The following CNTN1 variants were observed in gnomAD, a reference collection of about 807,000 sequenced individuals.
CNTN1 encodes contactin 1.
In CNTN1, 38 loss-of-function variants were observed where a neutral mutation model predicts 126.4. The observed-to-expected ratio is 0.30, with a 90% CI of 0.23 to 0.39. The LOEUF is 0.39. Among genes scored for constraint, CNTN1 ranks in the 10% least tolerant of loss-of-function variants. The pLI is 1.00. For missense variants in CNTN1, 1,009 were observed against 1,248.4 expected, an observed-to-expected ratio of 0.81 and a Z score of 2.89; for synonymous variants, 413 against 422.6, an observed-to-expected ratio of 0.98 and a Z score of 0.28.
At chr12:41,020,946 A>C (rs1026000524) in intron 20 of CNTN1, among the ~76,000 whole-genome samples, 1 of 152,190 alleles carries the variant, frequency 6.6e-6, no homozygotes, top group Non-Finnish European at 1.5e-5. Flanking sequence ...GCTTAATTTT[A>C]AAGAACCAGT....
chr12:40,911,094 T>C (rs1015009508), intron 3 of CNTN1, among the ~76,000 whole-genome samples: 2 of 152,162 alleles, frequency 1.3e-5, no homozygotes, highest in Admixed American at 1.3e-4. Context: ...TATTTATTTA[T>C]TTTTGAGATG....
At chr12:40,720,748 G>A (rs1942182008) in intron 1 of CNTN1, among the ~76,000 whole-genome samples, 1 of 152,010 alleles carries the variant, frequency 6.6e-6, no homozygotes, top group Admixed American at 6.6e-5. Context: ...CCAACATGGT[G>A]AAACCCTGTC....
At chr12:40,721,340 CT>C (rs1004921414) in intron 1 of CNTN1, among the ~76,000 whole-genome samples, 3 of 151,762 alleles carry the variant, frequency 2.0e-5, no homozygotes, top group East Asian at 1.9e-4. Context: ...GGACCACCTC[CT>C]TTTTTTTATA....
At chr12:40,942,138 A>G (rs1946282655) in intron 12 of CNTN1, among the ~76,000 whole-genome samples, 1 of 152,130 alleles carries the variant, frequency 6.6e-6, no homozygotes, top group African/African-American at 2.4e-5. Flanking sequence ...AAATAATTAA[A>G]TGAAAGGGAT....
intron 17 of CNTN1, among the ~76,000 whole-genome samples, chr12:41,008,389 G>A (rs1948556624): frequency 6.6e-6 from 1 of 150,454 alleles, no homozygotes; most frequent in African/African-American, 2.5e-5. Flanking sequence ...TATCAGAAGT[G>A]TTGATATAAA....
At chr12:40,920,166 ACT>A (rs1166258431) in intron 4 of CNTN1, among the ~76,000 whole-genome samples, 4 of 152,128 alleles carry the variant, frequency 2.6e-5, no homozygotes, top group African/African-American at 4.8e-5. Flanking sequence ...ATGCTGTGAC[ACT>A]CTGTTGTTAA....
intron 1 of CNTN1, among the ~76,000 whole-genome samples, chr12:40,860,339 C>T (rs150127395): frequency 1.4e-3 from 215 of 152,178 alleles, no homozygotes; most frequent in African/African-American, 5.1e-3. Flanking sequence ...TCTTTAATAA[C>T]ACTTATCCAG....
At chr12:40,729,803 C>A in intron 1 of CNTN1, 1 of 203,398 alleles carries the variant, frequency 4.9e-6, no homozygotes, top group Non-Finnish European at 1.1e-5. Flanking sequence ...GAGGAGACAG[C>A]TCGGTTCCAC....
intron 23 of CNTN1, among the ~76,000 whole-genome samples, chr12:41,043,604 G>A (rs12811839): frequency 1.1e-4 from 17 of 151,834 alleles, no homozygotes; most frequent in African/African-American, 3.1e-4. Context: ...TTCCTCAGGG[G>A]TCTAGAACTA....
At chr12:40,991,443 A>G (rs941773643) in intron 16 of CNTN1, among the ~76,000 whole-genome samples, 1 of 151,848 alleles carries the variant, frequency 6.6e-6, no homozygotes, top group African/African-American at 2.4e-5. Context: ...TAATTTGGAC[A>G]TGGACATTTT....
intron 1 of CNTN1, among the ~76,000 whole-genome samples, chr12:40,878,426 C>T (rs952142502): frequency 1.3e-5 from 2 of 151,994 alleles, no homozygotes; most frequent in Admixed American, 1.3e-4. Context: ...ATGGTCTAGA[C>T]TTAACATATA....
intron 1 of CNTN1, among the ~76,000 whole-genome samples, chr12:40,725,401 C>CA (rs34242859): frequency 0.025 from 1,118 of 44,246 alleles, 14 homozygotes; most frequent in East Asian, 0.052. Flanking sequence ...AACTCTGTCT[C>CA]AAAAAAAAAA....
At chr12:40,937,075 G>A (rs1946106634) in intron 10 of CNTN1, among the ~76,000 whole-genome samples, 170 bp downstream of exon 10, 1 of 152,040 alleles carries the variant, frequency 6.6e-6, no homozygotes, top group Non-Finnish European at 1.5e-5. Flanking sequence ...TCTTCTTTCA[G>A]TTTAAACAAC....
At chr12:40,978,733 A>G (rs1947747192) in intron 15 of CNTN1, 1 of 152,176 alleles carries the variant, frequency 6.6e-6, no homozygotes, top group African/African-American at 2.4e-5. Flanking sequence ...TTTATGAAAT[A>G]TTACTCATTT....
chr12:40,898,187 G>A (rs1944482393), intron 1 of CNTN1, among the ~76,000 whole-genome samples: 1 of 152,066 alleles, frequency 6.6e-6, no homozygotes, highest in Admixed American at 6.6e-5. Flanking sequence ...TATAGAAAAA[G>A]GAATGAGATA....
At chr12:40,811,034 T>A (rs1279296566) in intron 1 of CNTN1, among the ~76,000 whole-genome samples, 1 of 152,150 alleles carries the variant, frequency 6.6e-6, no homozygotes, top group Non-Finnish European at 1.5e-5. Context: ...AATTGATTAA[T>A]ATTTAATTGC....
chr12:40,835,825 C>T (rs1227084674), intron 1 of CNTN1, among the ~76,000 whole-genome samples: 1 of 151,788 alleles, frequency 6.6e-6, no homozygotes, highest in African/African-American at 2.4e-5. Flanking sequence ...CACACACACA[C>T]ACACACACAC....
chr12:40,951,252 G>C (rs1174707329), intron 14 of CNTN1, among the ~76,000 whole-genome samples: 3 of 151,936 alleles, frequency 2.0e-5, no homozygotes, highest in South Asian at 2.1e-4. Context: ...CATTCTCGTT[G>C]TTTATTACAT....
At chr12:40,959,911 G>T (rs17128970) in intron 15 of CNTN1, among the ~76,000 whole-genome samples, 5,180 of 152,084 alleles carry the variant, frequency 0.034, 285 homozygotes, top group African/African-American at 0.12. Context: ...ACCCCAGCTT[G>T]CTTACCTTTA....
Sources: gnomAD v4.1 joint callset for allele counts (sites outside exome capture counted in the v4.1 genomes callset) on GRCh38, gnomAD v4.1.1 for gene constraint, MANE v1.5 for transcripts, NCBI Gene and HGNC (gene_info 2026-07-23, HGNC 2026-07-21) for gene names.